ABCC6: variants seen among roughly 807,000 people sequenced by gnomAD.
ABCC6 encodes ATP binding cassette subfamily C member 6.
In ABCC6, 126 loss-of-function variants were observed where a neutral mutation model predicts 169.5. The ratio of observed to expected loss-of-function variants is 0.74; its 90% CI spans 0.64 to 0.86. ABCC6 has a LOEUF of 0.86. Among genes scored for constraint, ABCC6 ranks in the 40% least tolerant of loss-of-function variants. ABCC6 has a pLI of 0.00. For missense variants in ABCC6, 1,733 were observed against 1,927.2 expected (o/e 0.90, Z 1.89); for synonymous variants, 752 against 814.7 (o/e 0.92, Z 1.31).
chr16:16,194,236 C>T (rs960485076), intron 10 of ABCC6, among the ~76,000 whole-genome samples: 3 of 152,210 alleles, frequency 2.0e-5, no homozygotes, highest in African/African-American at 4.8e-5. Flanking sequence ...TCTCTTATTG[C>T]GTTTAATTAT....
At chr16:16,162,865 G>A (rs2046763076) in intron 24 of ABCC6, 128 bp downstream of exon 24, 3 of 1,221,796 alleles carry the variant, frequency 2.5e-6, no homozygotes, top group African/African-American at 1.5e-5. Flanking sequence ...TAGACTGCCT[G>A]TGGGATCTAG....
At chr16:16,157,884 CTTCAG>C in intron 26 of ABCC6, 75 bp from the exon 27 acceptor site, 1 of 1,501,304 alleles carries the variant, frequency 6.7e-7, no homozygotes, top group Non-Finnish European at 9.0e-7. Context: ...CCTCTATCAG[CTTCAG>C]TTTTCTCTTC....
At chr16:16,174,726 C>G (rs2047214015) in intron 20 of ABCC6, among the ~76,000 whole-genome samples, 1 of 135,960 alleles carries the variant, frequency 7.4e-6, no homozygotes, top group Admixed American at 8.3e-5. Context: ...CATTGCACTC[C>G]AGCCTGGGCG....
At chr16:16,192,304 A>G (rs2047888244) in intron 11 of ABCC6, among the ~76,000 whole-genome samples, 1 of 152,166 alleles carries the variant, frequency 6.6e-6, no homozygotes, top group African/African-American at 2.4e-5. Flanking sequence ...AGGCCAGCTC[A>G]GGGCGGGCCT....
chr16:16,210,065 A>G (rs1205110647), intron 6 of ABCC6, among the ~76,000 whole-genome samples: 7 of 152,158 alleles, frequency 4.6e-5, no homozygotes, highest in Non-Finnish European at 1.0e-4. Flanking sequence ...GACACCAGCC[A>G]GAAGGTCTTG....
chr16:16,151,919 A>G (rs1360687218), intron 29 of ABCC6, among the ~76,000 whole-genome samples: 1 of 151,868 alleles, frequency 6.6e-6, no homozygotes, highest in African/African-American at 2.4e-5. Context: ...GTGGCGGGGC[A>G]CGGCGGCTCA....
intron 15 of ABCC6, among the ~76,000 whole-genome samples, chr16:16,183,862 T>C (rs1245974767): frequency 6.6e-6 from 1 of 152,006 alleles, no homozygotes; most frequent in African/African-American, 2.4e-5. Flanking sequence ...CCAGGCACTC[T>C]CCTGCCCCAG....
At chr16:16,159,671 A>G (rs2046652783) in intron 25 of ABCC6, 88 bp from the exon 26 acceptor site, 1 of 1,206,362 alleles carries the variant, frequency 8.3e-7, no homozygotes, top group Non-Finnish European at 1.2e-6. Context: ...CTTTTCTGGG[A>G]GGCCAGACCC....
chr16:16,203,818 A>G (rs1359561614), intron 7 of ABCC6, among the ~76,000 whole-genome samples: 2 of 152,000 alleles, frequency 1.3e-5, no homozygotes, highest in Non-Finnish European at 2.9e-5. Flanking sequence ...GCAGGAGGGC[A>G]CTCTGAGGCC....
At chr16:16,160,577 T>G (rs1186262869) in intron 25 of ABCC6, among the ~76,000 whole-genome samples, 1 of 131,188 alleles carries the variant, frequency 7.6e-6, no homozygotes, top group Non-Finnish European at 1.5e-5. Context: ...GCAGACCACT[T>G]GAACCTAGAG....
At chr16:16,196,736 C>CT (rs2048050805) in intron 10 of ABCC6, among the ~76,000 whole-genome samples, 1 of 152,152 alleles carries the variant, frequency 6.6e-6, no homozygotes, top group Admixed American at 6.5e-5. Flanking sequence ...GAGTCTCACT[C>CT]TGTCACCCAG....
chr16:16,159,642 G>GC (rs977265866), intron 25 of ABCC6, 59 bp from the exon 26 acceptor site: 3 of 1,518,356 alleles, frequency 2.0e-6, no homozygotes, highest in Middle Eastern at 3.4e-4. Flanking sequence ...GCTTGCAACA[G>GC]CCCCCCTGGT....
At chr16:16,174,574 T>C (rs2047209546) in intron 20 of ABCC6, among the ~76,000 whole-genome samples, 1 of 151,898 alleles carries the variant, frequency 6.6e-6, no homozygotes, top group Non-Finnish European at 1.5e-5. Flanking sequence ...CTGGACAACA[T>C]GGCAAAACCC....
Position 16,184,940 on chromosome 16 carries a change from T to C in ABCC6, c.1943+19A>G. 6.2e-7 allele frequency: 1 copy of C among 1,607,202 alleles called. No individual in the cohort carries two copies. The highest frequency in any genetic ancestry group is 8.5e-7 in the Non-Finnish European group (1 of 1,173,614). On this transcript the variant is annotated intron_variant, in intron 15 of 30. Transcript: ENST00000205557. ...TCCCTAAAAACATGAGGCTGGTTAC[T>C]ACGGGTGTCGTTCTGTACCTGTGGA...
rs143588929 is a variant in ABCC6 at position 16,190,229 on chromosome 16, C to A, written c.1570G>T (p.Ala524Ser). Residue 524 changes from alanine (A) to serine (S), a missense_variant, in exon 12 of 31, where the codon GCC becomes TCC. Transcript: ENST00000205557. ...VLGIRGQELGALRTSGLLFSV... is the reference protein window; with the variant it reads ...VLGIRGQELGSLRTSGLLFSV... Reference sequence around the variant, plus strand: ...AAGAGGAGGCCGGAGGTCCGCAAGGCGCCCAGCTCCTGGCCTCGGATGCCC... The same window carrying A: ...AAGAGGAGGCCGGAGGTCCGCAAGGAGCCCAGCTCCTGGCCTCGGATGCCC... 21 of 1,614,086 alleles carry A rather than the reference C, an allele frequency of 1.3e-5. No homozygotes were observed. The African/African-American group carries it at 2.5e-4, about 19-fold the overall frequency.
intron 5 of ABCC6, 142 bp downstream of exon 5, chr16:16,214,182 G>A (rs1296276955): frequency 6.7e-7 from 1 of 1,485,306 alleles, no homozygotes; most frequent in East Asian, 2.5e-5. Context: ...GAAAAAGTCT[G>A]CCAACTGTGG....
At chr16:16,178,988 G>A in intron 17 of ABCC6, 23 bp from the exon 18 acceptor site, 1 of 1,610,366 alleles carries the variant, frequency 6.2e-7, no homozygotes, top group Non-Finnish European at 8.5e-7. Flanking sequence ...AAGGAACAGT[G>A]GCCTGAGTCA....
At chr16:16,160,909 A>G (rs169844) in intron 25 of ABCC6, among the ~76,000 whole-genome samples, 46,255 of 151,984 alleles carry the variant, frequency 0.3, 8,137 homozygotes, top group Non-Finnish European at 0.39. Flanking sequence ...TATTTTTTTC[A>G]TAGATGTCAT....
intron 17 of ABCC6, 44 bp from the exon 18 acceptor site, chr16:16,179,009 G>A: frequency 6.3e-7 from 1 of 1,599,118 alleles, no homozygotes; most frequent in Non-Finnish European, 8.5e-7. Flanking sequence ...GCATCTACAG[G>A]GTGAAACTGG....
Sources: gnomAD v4.1 joint callset for allele counts (sites outside exome capture counted in the v4.1 genomes callset) on GRCh38, gnomAD v4.1.1 for gene constraint, MANE v1.5 for transcripts, NCBI Gene and HGNC (gene_info 2026-07-23, HGNC 2026-07-21) for gene names.